ANXA3: variants seen among roughly 807,000 people sequenced by gnomAD.
ANXA3 encodes annexin A3, also known as 35-alpha calcimedin.
A neutral mutation model predicts 48.8 loss-of-function variants in ANXA3; 46 were observed. The ratio of observed to expected loss-of-function variants is 0.94; its 90% CI spans 0.74 to 1.21. The LOEUF is 1.21. Ranked by LOEUF, ANXA3 falls within the 50% of genes most tolerant of loss-of-function variation. The probability of loss-of-function intolerance (pLI) is 0.00; values close to 1 mark genes in which losing one functional copy is unlikely to be tolerated. For missense variants in ANXA3, 383 were observed against 378.6 expected, an observed-to-expected ratio of 1.01 and a Z score of -0.10; for synonymous variants, 128 against 134.7, an observed-to-expected ratio of 0.95 and a Z score of 0.35.
intron 7 of ANXA3, among the ~76,000 whole-genome samples, 154 bp downstream of exon 7, chr4:78,591,777 A>G (rs1336720176): frequency 6.6e-6 from 1 of 152,244 alleles, no homozygotes; most frequent in Non-Finnish European, 1.5e-5. Flanking sequence ...GCCACCAAGC[A>G]ATATAATGTT....
In ANXA3 at chr4:78,572,771, G is replaced by A. The variant is rs193285539; in HGVS notation, c.16-409G>A. On this transcript the variant is annotated intron_variant, in intron 2 of 12. Coordinates refer to ENST00000264908, the MANE Select transcript of ANXA3 (RefSeq NM_005139.3). The stretch of plus-strand genomic sequence containing the variant: ...CAAATATTGTGACCTCCAGAATAAT[G>A]GCAGGTAATTATGTAACTATGCCTG... Among the ~76,000 whole-genome samples the A allele has an allele frequency of 1.6e-4, 25 of 152,284 alleles. 1 individual carries two copies. In the East Asian group the frequency reaches 4.8e-3, roughly 29 times the overall value.
At chr4:78,601,003 C>A (rs1337110151) in intron 10 of ANXA3, among the ~76,000 whole-genome samples, 1 of 151,994 alleles carries the variant, frequency 6.6e-6, no homozygotes, top group African/African-American at 2.4e-5. Flanking sequence ...TCTAACCAGC[C>A]TATAAATTCT....
At chr4:78,604,100 G>A in intron 11 of ANXA3, 177 bp from the exon 12 acceptor site, 1 of 539,468 alleles carries the variant, frequency 1.9e-6, no homozygotes. Context: ...TGCTGTCACA[G>A]AGTAGGTGCT....
At chr4:78,604,040 T>A (rs1424635686) in intron 11 of ANXA3, 1 of 344,816 alleles carries the variant, frequency 2.9e-6, no homozygotes, top group Non-Finnish European at 5.2e-6. Flanking sequence ...TTTACAAAAC[T>A]GGAAGCTTAA....
intron 6 of ANXA3, among the ~76,000 whole-genome samples, chr4:78,590,672 A>G (rs1446408713): frequency 6.6e-6 from 1 of 152,166 alleles, no homozygotes; most frequent in Non-Finnish European, 1.5e-5. Context: ...AGTCAGTACT[A>G]AAATATATGA....
intron 2 of ANXA3, among the ~76,000 whole-genome samples, chr4:78,564,067 A>G (rs1294075765): frequency 6.6e-6 from 1 of 152,254 alleles, no homozygotes; most frequent in Non-Finnish European, 1.5e-5. Flanking sequence ...AGATTAATAC[A>G]AATTATTTAT....
At chr4:78,552,435 G>A (rs948731243) in intron 1 of ANXA3, 7 of 152,106 alleles carry the variant, frequency 4.6e-5, no homozygotes, top group Non-Finnish European at 7.4e-5. Context: ...GCATATTGAG[G>A]GTTGGAAGTT....
intron 2 of ANXA3, among the ~76,000 whole-genome samples, chr4:78,555,929 G>T (rs1277750192): frequency 1.3e-5 from 2 of 151,606 alleles, no homozygotes; most frequent in Non-Finnish European, 2.9e-5. Context: ...CTACTTAAGA[G>T]ATTGGTGAAG....
rs143815803 is a variant in ANXA3 at position 78,604,379 on chromosome 4, T to C, written c.892T>C (p.Ser298Pro). ...AGAGTTCAAGAAGCATTATGGCTAT[T>C]CCCTATATTCAGCAATTAAAGTAAG... ...RTEFKKHYGYSLYSAIKSDTS... is the reference protein window; with the variant it reads ...RTEFKKHYGYPLYSAIKSDTS... Residue 298 changes from serine (S) to proline (P), a missense_variant, in exon 12 of 13, where the codon TCC (serine) becomes CCC (proline). Coordinates refer to ENST00000264908, the MANE Select transcript of ANXA3 (RefSeq NM_005139.3). 10 of 1,611,906 alleles carry C rather than the reference T, an allele frequency of 6.2e-6. No individual in the cohort carries two copies. Among genetic ancestry groups the C allele is most frequent in the Non-Finnish European group, 8.5e-6 (10 of 1,178,932 alleles).
rs17003347 is a variant in ANXA3, at chr4:78,559,524, G to A, written c.15+5036G>A. Among the ~76,000 whole-genome samples the A allele has an allele frequency of 5.4e-3, 818 of 152,288 alleles. 8 individuals are homozygous for A. The highest frequency in any genetic ancestry group is 0.019 in the African/African-American group (772 of 41,564). Reference sequence around the variant, plus strand: ...AGGAAAGGGAATATAGAGCTACTCTGCAACCAAGGGATAAGAGAAGTTTTA... The same window carrying A: ...AGGAAAGGGAATATAGAGCTACTCTACAACCAAGGGATAAGAGAAGTTTTA... On this transcript the variant is annotated intron_variant, in intron 2 of 12. Coordinates refer to ENST00000264908, the MANE Select transcript of ANXA3 (RefSeq NM_005139.3).
chr4:78,605,120 T>C (rs980971722), intron 12 of ANXA3, among the ~76,000 whole-genome samples: 1 of 152,198 alleles, frequency 6.6e-6, no homozygotes, highest in Non-Finnish European at 1.5e-5. Flanking sequence ...ATTTTCAAAC[T>C]TTTAGGTTTT....
intron 11 of ANXA3, chr4:78,602,394 G>T (rs1723563926): frequency 6.6e-6 from 1 of 152,128 alleles, no homozygotes; most frequent in Admixed American, 6.5e-5. Context: ...CCCATATAGA[G>T]ATAGGTACAG....
In ANXA3 at chr4:78,603,959, T is replaced by G. The variant is rs141293795; in HGVS notation, c.790-318T>G. On this transcript the variant is annotated intron_variant, in intron 11 of 12. Transcript: ENST00000264908. ...ATCTTTCTTAGGCCCCCCTGAAGTA[T>G]GCTCCCATGGTACCCAATATTTTCA... 1,350 of 182,696 alleles carry G rather than the reference T, an allele frequency of 7.4e-3. 22 individuals carry two copies. The highest frequency in any genetic ancestry group is 0.03 in the African/African-American group (1,264 of 42,788). The allele number at this position is 182,696 out of a possible 1,614,324, so 11.3% of individuals were successfully genotyped here.
chr4:78,587,270 A>C (rs1040131991), intron 6 of ANXA3, among the ~76,000 whole-genome samples: 8 of 152,322 alleles, frequency 5.3e-5, no homozygotes, highest in African/African-American at 9.6e-5. Flanking sequence ...GAACCAGTCC[A>C]CCTACACTCC....
intron 4 of ANXA3, among the ~76,000 whole-genome samples, chr4:78,579,528 C>T (rs1723031824): frequency 6.6e-6 from 1 of 152,214 alleles, no homozygotes; most frequent in South Asian, 2.1e-4. Context: ...GGCAGCCCTC[C>T]ACAACAAAGA....
chr4:78,560,027 C>T (rs1722594141), intron 2 of ANXA3, among the ~76,000 whole-genome samples: 1 of 152,122 alleles, frequency 6.6e-6, no homozygotes, highest in Non-Finnish European at 1.5e-5. Context: ...TCAATAGCCC[C>T]CTCTCCCCAT....
At chr4:78,585,046 C>A (rs1025660861) in intron 5 of ANXA3, among the ~76,000 whole-genome samples, 4 of 152,234 alleles carry the variant, frequency 2.6e-5, no homozygotes, top group Admixed American at 2.0e-4. Context: ...TGACTGACAG[C>A]CACCTGGAGA....
chr4:78,593,625 C>CATTATTATTATTATTATTATTATT lies in ANXA3; in HGVS notation c.484-1752_484-1729dup, dbSNP rs568701695. On this transcript the variant is annotated intron_variant, in intron 7 of 12. Transcript: ENST00000264908. ...CTATTCTACTCTCTCCTTTCCTTTC[C>CATTATTATTATTATTATTATTATT]ATTATTATTATTATTATTATTATTA... is the stretch of plus-strand genomic sequence containing the variant. Among the ~76,000 whole-genome samples the CATTATTATTATTATTATTATTATT allele has an allele frequency of 8.6e-4, 127 of 146,994 alleles. 2 individuals are homozygous for CATTATTATTATTATTATTATTATT. Among genetic ancestry groups the CATTATTATTATTATTATTATTATT allele is most frequent in the African/African-American group, 3.0e-3 (116 of 39,272 alleles).
chr4:78,566,733 G>A (rs576660673), intron 2 of ANXA3, among the ~76,000 whole-genome samples: 27 of 152,132 alleles, frequency 1.8e-4, no homozygotes, highest in Admixed American at 8.5e-4. Flanking sequence ...GTCGGGTGAC[G>A]GGTACACTAA....
Sources: gnomAD v4.1 joint callset for allele counts (sites outside exome capture counted in the v4.1 genomes callset) on GRCh38, gnomAD v4.1.1 for gene constraint, MANE v1.5 for transcripts, NCBI Gene and HGNC (gene_info 2026-07-23, HGNC 2026-07-21) for gene names.